Variants in CHST9 observed in about 807,000 individuals in gnomAD.
The protein encoded by CHST9 is carbohydrate sulfotransferase 9, also known as GalNAc-4-sulfotransferase 2.
CHST9 carries 41 observed loss-of-function variants against 44.4 expected under a neutral mutation model. That is an observed-to-expected ratio of 0.92 (90% CI 0.72 to 1.20). The LOEUF is 1.20. CHST9 is among the 50% of genes most tolerant of loss of function. The pLI, the probability that CHST9 is intolerant of heterozygous loss-of-function variation, is 0.00. For synonymous variants in CHST9, 171 were observed against 178.4 expected, an observed-to-expected ratio of 0.96 and a Z score of 0.33; for missense variants, 504 against 516.5, an observed-to-expected ratio of 0.98 and a Z score of 0.23.
chr18:27,162,345 T>C (rs889378519), intron 1 of CHST9, among the ~76,000 whole-genome samples: 1 of 151,924 alleles, frequency 6.6e-6, no homozygotes, highest in Non-Finnish European at 1.5e-5. Context: ...CTGTAAAGGA[T>C]TTTATTTCTC....
intron 4 of CHST9, among the ~76,000 whole-genome samples, chr18:26,998,239 T>C (rs1419631279): frequency 6.6e-6 from 1 of 152,172 alleles, no homozygotes; most frequent in Non-Finnish European, 1.5e-5. Context: ...TATCGCTGGA[T>C]CTCACTCACT....
intron 4 of CHST9, 57 bp from the exon 5 acceptor site, chr18:26,944,423 G>A (rs934861920): frequency 2.4e-5 from 29 of 1,221,630 alleles, no homozygotes; most frequent in East Asian, 9.3e-5. Flanking sequence ...AATAAAATGC[G>A]GTACTGATGC....
At chr18:27,043,418 T>C (rs1176998675) in intron 3 of CHST9, among the ~76,000 whole-genome samples, 1 of 152,034 alleles carries the variant, frequency 6.6e-6, no homozygotes, top group African/African-American at 2.4e-5. Flanking sequence ...CGACTTAATT[T>C]ATTATTTTCT....
chr18:26,997,674 C>A (rs150354226), intron 4 of CHST9, among the ~76,000 whole-genome samples: 94 of 152,298 alleles, frequency 6.2e-4, no homozygotes, highest in African/African-American at 2.1e-3. Context: ...CGACATCACC[C>A]TAGAATAGCA....
intron 2 of CHST9, among the ~76,000 whole-genome samples, chr18:27,136,402 C>A (rs910115299): frequency 6.6e-6 from 1 of 152,012 alleles, no homozygotes; most frequent in Non-Finnish European, 1.5e-5. Flanking sequence ...GAGTGACTGC[C>A]CAGGCTGCCC....
At chr18:27,125,321 A>G (rs1488393104) in intron 2 of CHST9, among the ~76,000 whole-genome samples, 1 of 152,212 alleles carries the variant, frequency 6.6e-6, no homozygotes, top group Non-Finnish European at 1.5e-5. Flanking sequence ...ATTTATGTCT[A>G]TTGTTTTTCA....
At chr18:27,056,670 T>C (rs1435315660) in intron 2 of CHST9, among the ~76,000 whole-genome samples, 2 of 152,200 alleles carry the variant, frequency 1.3e-5, no homozygotes, top group Non-Finnish European at 2.9e-5. Context: ...TAGCAAATAG[T>C]ACATTGCTAG....
At chr18:27,055,380 C>A (rs1477631446) in intron 2 of CHST9, among the ~76,000 whole-genome samples, 1 of 152,096 alleles carries the variant, frequency 6.6e-6, no homozygotes, top group Non-Finnish European at 1.5e-5. Flanking sequence ...TTCTATACTT[C>A]CGAGTTAACT....
intron 2 of CHST9, among the ~76,000 whole-genome samples, chr18:27,121,571 A>G (rs2058374908): frequency 6.6e-6 from 1 of 152,190 alleles, no homozygotes; most frequent in Non-Finnish European, 1.5e-5. Flanking sequence ...ATAATTGGGG[A>G]AACAGGGAAG....
chr18:26,965,541 G>T (rs1244013735), intron 4 of CHST9, among the ~76,000 whole-genome samples: 3 of 152,122 alleles, frequency 2.0e-5, no homozygotes, highest in African/African-American at 7.2e-5. Context: ...AAGTCTGAGC[G>T]CTACCACCAT....
intron 2 of CHST9, among the ~76,000 whole-genome samples, chr18:27,054,060 C>T (rs578050428): frequency 9.2e-5 from 14 of 152,228 alleles, no homozygotes; most frequent in East Asian, 5.8e-4. Context: ...CAGGACAAGT[C>T]GAGAGTCCCA....
chr18:27,104,143 T>A (rs2058199440), intron 2 of CHST9, among the ~76,000 whole-genome samples: 1 of 152,136 alleles, frequency 6.6e-6, no homozygotes, highest in Admixed American at 6.5e-5. Context: ...TACTAAGAAC[T>A]AGGCACTGCA....
chr18:26,944,166 T>C (rs1456485809), intron 5 of CHST9, among the ~76,000 whole-genome samples, 163 bp downstream of exon 5: 1 of 152,154 alleles, frequency 6.6e-6, no homozygotes, highest in Admixed American at 6.6e-5. Flanking sequence ...AAGCGCATGG[T>C]CATCTACATA....
At chr18:27,124,513 A>G (rs1476412716) in intron 2 of CHST9, among the ~76,000 whole-genome samples, 1 of 152,216 alleles carries the variant, frequency 6.6e-6, no homozygotes, top group East Asian at 1.9e-4. Context: ...CCAGAAACAG[A>G]ATTAAAACCC....
chr18:27,019,675 G>A (rs1055764465), intron 4 of CHST9, among the ~76,000 whole-genome samples: 3 of 104,986 alleles, frequency 2.9e-5, no homozygotes, highest in African/African-American at 1.1e-4. Context: ...ATTGACCACT[G>A]TTTCACTACA....
intron 3 of CHST9, among the ~76,000 whole-genome samples, chr18:27,030,566 A>G (rs1485942048): frequency 6.6e-6 from 1 of 152,240 alleles, no homozygotes; most frequent in African/African-American, 2.4e-5. Flanking sequence ...GATGCCCTGC[A>G]TAAAGCCTTG....
intron 3 of CHST9, among the ~76,000 whole-genome samples, chr18:27,043,561 T>C (rs958933723): frequency 2.6e-5 from 4 of 152,042 alleles, no homozygotes; most frequent in African/African-American, 9.7e-5. Flanking sequence ...CTTGTAAATG[T>C]ATCTGGATTC....
intron 2 of CHST9, among the ~76,000 whole-genome samples, chr18:27,137,304 ATGTGTGTGTGTGTGTG>A (rs60705060): frequency 0.023 from 3,331 of 145,400 alleles, 68 homozygotes; most frequent in Middle Eastern, 0.04. Context: ...TTATTTATAT[ATGTGTGTGTGTGTGTG>A]TGTGTGTGTG....
At chr18:27,090,521 C>G (rs1258436305) in intron 2 of CHST9, among the ~76,000 whole-genome samples, 4 of 152,190 alleles carry the variant, frequency 2.6e-5, no homozygotes, top group African/African-American at 9.7e-5. Context: ...AGTCCTTGCC[C>G]ATGCCTATGT....
Sources: allele counts gnomAD v4.1 joint callset (sites outside exome capture counted in the v4.1 genomes callset), GRCh38; gene constraint gnomAD v4.1.1; transcripts MANE v1.5; gene names NCBI Gene and HGNC (gene_info 2026-07-23, HGNC 2026-07-21).